RPS6KC1: variants seen among roughly 807,000 people sequenced by gnomAD.
RPS6KC1 encodes the protein ribosomal protein S6 kinase C1, also known as inactive ribosomal protein S6 kinase delta-1.
A neutral mutation model predicts 103.8 loss-of-function variants in RPS6KC1; 54 were observed. That is an observed-to-expected ratio of 0.52 (90% CI 0.42 to 0.65). The LOEUF (loss-of-function observed/expected upper bound fraction) is 0.65. Among genes scored for constraint, RPS6KC1 ranks in the 30% least tolerant of loss-of-function variants. The pLI is 0.00. For synonymous variants in RPS6KC1, 439 were observed against 438.7 expected (o/e 1.00, Z -0.01); for missense variants, 1,151 against 1,253.8 (o/e 0.92, Z 1.24).
At chr1:213,800,559 T>C in the RPS6KC1 span, among the ~76,000 whole-genome samples, 2 of 152,146 alleles carry the variant, frequency 1.3e-5, no homozygotes, top group Non-Finnish European at 2.9e-5. Flanking sequence ...TAATTTCATA[T>C]GTTTAAGTCA....
chr1:213,312,834 A>T, the RPS6KC1 span, among the ~76,000 whole-genome samples: 1 of 152,184 alleles, frequency 6.6e-6, no homozygotes, highest in East Asian at 1.9e-4. Context: ...TTGGTGGATA[A>T]TGACAGTAAT....
chr1:213,665,123 G>C, the RPS6KC1 span, among the ~76,000 whole-genome samples: 25 of 151,680 alleles, frequency 1.6e-4, no homozygotes, highest in African/African-American at 5.6e-4. Context: ...TGACAGAATA[G>C]GGCAATTAAA....
At chr1:213,769,825 A>G in the RPS6KC1 span, among the ~76,000 whole-genome samples, 10 of 152,218 alleles carry the variant, frequency 6.6e-5, no homozygotes, top group Non-Finnish European at 1.0e-4. Flanking sequence ...ATATATTGAC[A>G]AGATTTAAAA....
chr1:213,331,849 C>T, the RPS6KC1 span, among the ~76,000 whole-genome samples: 3 of 152,110 alleles, frequency 2.0e-5, no homozygotes, highest in African/African-American at 4.8e-5. Context: ...GGCCTCTCTG[C>T]TGGCCTCCTC....
At chr1:213,499,827 A>C in the RPS6KC1 span, among the ~76,000 whole-genome samples, 1 of 152,250 alleles carries the variant, frequency 6.6e-6, no homozygotes, top group Non-Finnish European at 1.5e-5. Flanking sequence ...GTTGTAACAC[A>C]ATGAAAAGTA....
the RPS6KC1 span, among the ~76,000 whole-genome samples, chr1:213,696,932 G>C: frequency 6.6e-6 from 1 of 152,076 alleles, no homozygotes; most frequent in African/African-American, 2.4e-5. Context: ...GGTCCCACAA[G>C]ACTGCCCCCA....
At chr1:213,628,684 G>A in the RPS6KC1 span, among the ~76,000 whole-genome samples, 103,351 of 151,876 alleles carry the variant, frequency 0.68, 35,413 homozygotes, top group African/African-American at 0.78. Flanking sequence ...TATGGTGTCA[G>A]TTTTAGATCT....
the RPS6KC1 span, among the ~76,000 whole-genome samples, chr1:213,502,837 T>A: frequency 6.6e-6 from 1 of 152,186 alleles, no homozygotes; most frequent in Non-Finnish European, 1.5e-5. Context: ...TTTCATTTTT[T>A]AAATATTCTA....
chr1:213,815,887 T>C, the RPS6KC1 span, among the ~76,000 whole-genome samples: 1 of 152,252 alleles, frequency 6.6e-6, no homozygotes, highest in Non-Finnish European at 1.5e-5. Flanking sequence ...CTAAGCTTAA[T>C]CATTTCTAGC....
the RPS6KC1 span, among the ~76,000 whole-genome samples, chr1:213,529,099 G>A: frequency 1.3e-5 from 2 of 151,970 alleles, no homozygotes; most frequent in African/African-American, 2.4e-5. Context: ...ATGATCCACT[G>A]GAAGAGACCG....
intron 4 of RPS6KC1, among the ~76,000 whole-genome samples, chr1:213,106,832 T>G (rs2148801773): frequency 1.3e-5 from 2 of 152,362 alleles, no homozygotes; most frequent in African/African-American, 4.8e-5. Context: ...TCACTGGTTG[T>G]TTATTTATTA....
chr1:213,719,329 AG>A, the RPS6KC1 span, among the ~76,000 whole-genome samples: 1 of 152,208 alleles, frequency 6.6e-6, no homozygotes, highest in East Asian at 1.9e-4. Flanking sequence ...TGAGTATCAG[AG>A]GGTCATGTAC....
intron 5 of RPS6KC1, among the ~76,000 whole-genome samples, chr1:213,127,455 C>G (rs2085108345): frequency 6.6e-6 from 1 of 152,168 alleles, no homozygotes; most frequent in Non-Finnish European, 1.5e-5. Flanking sequence ...ACATAAAGCA[C>G]TCTGCATACT....
intron 10 of RPS6KC1, among the ~76,000 whole-genome samples, chr1:213,235,080 A>G (rs1322494355): frequency 6.6e-6 from 1 of 152,224 alleles, no homozygotes; most frequent in Non-Finnish European, 1.5e-5. Flanking sequence ...GTAACTTTTC[A>G]TATGTGTGAA....
the RPS6KC1 span, among the ~76,000 whole-genome samples, chr1:213,517,809 G>C: frequency 6.6e-6 from 1 of 152,184 alleles, no homozygotes; most frequent in African/African-American, 2.4e-5. Flanking sequence ...TCGTCGATCT[G>C]TCTAATGTTG....
chr1:213,341,704 A>G, the RPS6KC1 span, among the ~76,000 whole-genome samples: 1 of 152,252 alleles, frequency 6.6e-6, no homozygotes. Context: ...CAATCCTGCA[A>G]GGTACATGCT....
chr1:213,425,583 G>A, the RPS6KC1 span, among the ~76,000 whole-genome samples: 1 of 152,214 alleles, frequency 6.6e-6, no homozygotes, highest in South Asian at 2.1e-4. Flanking sequence ...TATTAGCTTC[G>A]TAATTACCCA....
At chr1:213,567,560 C>T in the RPS6KC1 span, among the ~76,000 whole-genome samples, 1 of 152,122 alleles carries the variant, frequency 6.6e-6, no homozygotes, top group Non-Finnish European at 1.5e-5. Context: ...AAAGAATGTT[C>T]ATTATAACTT....
At chr1:213,400,854 A>G in the RPS6KC1 span, among the ~76,000 whole-genome samples, 2 of 151,776 alleles carry the variant, frequency 1.3e-5, no homozygotes, top group Admixed American at 6.6e-5. Context: ...TTATAGGCAC[A>G]CACCACCGTG....
Sources: gnomAD v4.1 joint callset for allele counts (sites outside exome capture counted in the v4.1 genomes callset) on GRCh38, gnomAD v4.1.1 for gene constraint, MANE v1.5 for transcripts, NCBI Gene and HGNC (gene_info 2026-07-23, HGNC 2026-07-21) for gene names.